MIPEP: variants seen among roughly 807,000 people sequenced by gnomAD.
MIPEP encodes the protein mitochondrial intermediate peptidase.
In MIPEP, 79 loss-of-function variants were observed where a neutral mutation model predicts 90.3. The observed-to-expected ratio is 0.87, with a 90% CI of 0.73 to 1.05. The LOEUF (loss-of-function observed/expected upper bound fraction) is 1.05. MIPEP is among the 50% of genes least tolerant of loss of function. The pLI, the probability that MIPEP is intolerant of heterozygous loss-of-function variation, is 0.00. For missense variants in MIPEP, 940 were observed against 905.6 expected, an observed-to-expected ratio of 1.04 and a Z score of -0.49; for synonymous variants, 334 against 315.8, an observed-to-expected ratio of 1.06 and a Z score of -0.61.
Position 23,806,009 on chromosome 13 carries a change from TG to T in MIPEP, c.1788del (p.Thr597GlnfsTer98), listed in dbSNP as rs1953102647. 1 of 1,613,754 alleles carries T rather than the reference TG, an allele frequency of 6.2e-7. No homozygotes were observed. The highest frequency in any genetic ancestry group is 1.1e-5 in the South Asian group (1 of 91,078). On this transcript the variant is annotated frameshift_variant, in exon 16 of 19. Transcript: ENST00000382172. LOFTEE classifies it high-confidence loss of function. ...TCTTGTGTTTCCTTGAGAATGTCTG[TG>T]GTTGAATTCCTCAGGGGATGCTTCC... ...YHGKHPLRNSTTDILKETQEK... is the reference protein window; with the variant it reads ...YHGKHPLRNSXTDILKETQEK...
At chr13:23,839,072 A>T (rs1869182353) in intron 12 of MIPEP, among the ~76,000 whole-genome samples, 2 of 152,256 alleles carry the variant, frequency 1.3e-5, no homozygotes, top group South Asian at 4.1e-4. Context: ...ACTGGCTGTC[A>T]AAGTCGGCCA....
chr13:23,772,773 T>TA (rs1433468948), intron 16 of MIPEP, among the ~76,000 whole-genome samples: 1 of 152,212 alleles, frequency 6.6e-6, no homozygotes, highest in Non-Finnish European at 1.5e-5. Flanking sequence ...AGCTGGTCTC[T>TA]AACTTCTATG....
intron 16 of MIPEP, among the ~76,000 whole-genome samples, chr13:23,803,996 G>C (rs1052527229): frequency 1.3e-5 from 2 of 152,082 alleles, no homozygotes; most frequent in African/African-American, 4.8e-5. Flanking sequence ...GCTAATCCCA[G>C]TAAAGAGATA....
At chr13:23,776,000 T>A (rs1296475833) in intron 16 of MIPEP, among the ~76,000 whole-genome samples, 2 of 152,242 alleles carry the variant, frequency 1.3e-5, no homozygotes, top group African/African-American at 2.4e-5. Flanking sequence ...CAGATGTTTT[T>A]AAGTATATGG....
intron 7 of MIPEP, among the ~76,000 whole-genome samples, chr13:23,866,252 C>T (rs188828286): frequency 3.7e-4 from 56 of 152,254 alleles, no homozygotes; most frequent in Non-Finnish European, 6.9e-4. Flanking sequence ...ACTACTCCAT[C>T]GACACCGAAA....
intron 14 of MIPEP, among the ~76,000 whole-genome samples, chr13:23,834,663 C>G (rs1216853683): frequency 6.6e-6 from 1 of 152,200 alleles, no homozygotes; most frequent in Non-Finnish European, 1.5e-5. Context: ...CTGGCGAATG[C>G]CGCTTCTCTT....
rs1474185531 is a variant in MIPEP, at chr13:23,799,028, G to A, written c.1848+6922C>T. Among the ~76,000 whole-genome samples, 21 of 93,858 alleles carry A rather than the reference G, an allele frequency of 2.2e-4. No homozygotes were observed. In the South Asian group the frequency reaches 6.6e-3, roughly 30 times the overall value. The allele number at this position is 93,858 out of a possible 152,430, so 61.6% of individuals were successfully genotyped here. ...TTTTTTTTTTTTTTTTTTTTTGACA[G>A]AGTCTTGCTCTGTCGCCCAAGCTGG... On this transcript the variant is annotated intron_variant, in intron 16 of 18. Transcript: ENST00000382172.
chr13:23,732,659 T>C (rs929415557), intron 18 of MIPEP, among the ~76,000 whole-genome samples: 5 of 152,230 alleles, frequency 3.3e-5, no homozygotes, highest in African/African-American at 1.2e-4. Context: ...AGAAGCCTTA[T>C]GTGAAGCAGT....
intron 5 of MIPEP, among the ~76,000 whole-genome samples, chr13:23,871,944 T>G (rs962675037): frequency 6.6e-6 from 1 of 152,198 alleles, no homozygotes; most frequent in African/African-American, 2.4e-5. Context: ...AATTAACTAC[T>G]TTGAAGATTT....
chr13:23,768,860 T>C (rs965437788), intron 16 of MIPEP, among the ~76,000 whole-genome samples: 5 of 152,170 alleles, frequency 3.3e-5, no homozygotes, highest in Non-Finnish European at 5.9e-5. Context: ...GTAATTTATA[T>C]GTAATATTAA....
chr13:23,862,479 G>A, intron 8 of MIPEP, 117 bp from the exon 9 acceptor site: 1 of 615,274 alleles, frequency 1.6e-6, no homozygotes, highest in South Asian at 2.2e-5. Context: ...AATTAGTAGT[G>A]CACACATAAA....
At chr13:23,863,417 G>A (rs1027503674) in intron 8 of MIPEP, among the ~76,000 whole-genome samples, 42 of 150,972 alleles carry the variant, frequency 2.8e-4, no homozygotes, top group Admixed American at 2.8e-3. Flanking sequence ...AATTCCACAT[G>A]TGATGTCATG....
intron 5 of MIPEP, 57 bp downstream of exon 5, chr13:23,874,789 G>A: frequency 7.2e-7 from 1 of 1,391,094 alleles, no homozygotes; most frequent in Non-Finnish European, 9.9e-7. Flanking sequence ...AGCAATAATG[G>A]TATCAACTAA....
intron 18 of MIPEP, among the ~76,000 whole-genome samples, chr13:23,755,539 A>C (rs765243556): frequency 6.6e-6 from 1 of 152,228 alleles, no homozygotes; most frequent in African/African-American, 2.4e-5. Context: ...TCCTATATGC[A>C]CTTTTTCAGA....
intron 18 of MIPEP, among the ~76,000 whole-genome samples, chr13:23,753,223 CAAAAAA>C (rs765963824): frequency 2.3e-5 from 3 of 128,122 alleles, no homozygotes; most frequent in African/African-American, 5.4e-5. Context: ...GACTCCATCT[CAAAAAA>C]AAAAAAAAAA....
chr13:23,761,102 A>G (rs1952537622), intron 16 of MIPEP, among the ~76,000 whole-genome samples: 1 of 152,094 alleles, frequency 6.6e-6, no homozygotes, highest in South Asian at 2.1e-4. Flanking sequence ...TTACTATACA[A>G]AGAGGGGTAA....
In MIPEP at chr13:23,888,748, T is replaced by A. The variant is rs549305964; in HGVS notation, c.189+384A>T. On this transcript the variant is annotated intron_variant, in intron 1 of 18. Transcript: ENST00000382172. ...GATGCCGCCTGTGAACGCACAGGGA[T>A]AGGCCTCTTAAGGCAGGACTGTAGC... 7.3e-5 allele frequency: 75 copies of A among 1,025,824 alleles called. No homozygotes were observed. In the Middle Eastern group the frequency reaches 1.4e-3, roughly 19 times the overall value. The allele number at this position is 1,025,824 out of a possible 1,614,324, so 63.5% of individuals were successfully genotyped here.
chr13:23,759,599 T>C (rs1332857266), intron 17 of MIPEP, among the ~76,000 whole-genome samples: 1 of 151,984 alleles, frequency 6.6e-6, no homozygotes, highest in African/African-American at 2.4e-5. Flanking sequence ...CTCCACCCAA[T>C]GGAAGTTTAA....
intron 10 of MIPEP, among the ~76,000 whole-genome samples, chr13:23,849,936 TA>T (rs10717739): frequency 0.018 from 2,722 of 152,312 alleles, 108 homozygotes; most frequent in African/African-American, 0.062. Context: ...AGTGAAAATA[TA>T]AAACACAATC....
Sources: gnomAD v4.1 joint callset for allele counts (sites outside exome capture counted in the v4.1 genomes callset) on GRCh38, gnomAD v4.1.1 for gene constraint, MANE v1.5 for transcripts, NCBI Gene and HGNC (gene_info 2026-07-23, HGNC 2026-07-21) for gene names.